Variants in GPR176 observed in about 807,000 individuals in gnomAD.
GPR176 encodes the protein G-protein coupled receptor 176.
A neutral mutation model predicts 35.4 loss-of-function variants in GPR176; 26 were observed. The observed-to-expected ratio is 0.74, with a 90% confidence interval of 0.54 to 1.02. The LOEUF (loss-of-function observed/expected upper bound fraction) is 1.02. GPR176 is among the 50% of genes least tolerant of loss of function. The probability of loss-of-function intolerance (pLI) is 0.00; values close to 1 mark genes in which losing one functional copy is unlikely to be tolerated. For synonymous variants in GPR176, 278 were observed against 271.3 expected (o/e 1.02, Z -0.24); for missense variants, 597 against 665.3 (o/e 0.90, Z 1.13).
chr15:39,886,486 T>C (rs181785129), intron 1 of GPR176, among the ~76,000 whole-genome samples: 3 of 152,124 alleles, frequency 2.0e-5, no homozygotes, highest in Non-Finnish European at 2.9e-5. Flanking sequence ...CAAGTTAAGA[T>C]ATCTGTGTTG....
chr15:39,812,741 C>CT (rs1194061811), intron 1 of GPR176, among the ~76,000 whole-genome samples: 1 of 68,270 alleles, frequency 1.5e-5, no homozygotes, highest in Non-Finnish European at 2.7e-5. Context: ...CTCTTCTAAG[C>CT]TTTATTTTTT....
chr15:39,901,152 G>C (rs1053013971), intron 1 of GPR176, among the ~76,000 whole-genome samples: 5 of 151,926 alleles, frequency 3.3e-5, no homozygotes, highest in African/African-American at 9.7e-5. Flanking sequence ...AGGAGAACTA[G>C]GAAATTCAAT....
chr15:39,858,875 T>C (rs1004106499), intron 1 of GPR176, among the ~76,000 whole-genome samples: 21 of 152,046 alleles, frequency 1.4e-4, no homozygotes, highest in African/African-American at 4.3e-4. Context: ...GACTCCTGAG[T>C]AGCTGGGATT....
chr15:39,876,842 G>A (rs1044034360), intron 1 of GPR176, among the ~76,000 whole-genome samples: 10 of 151,914 alleles, frequency 6.6e-5, no homozygotes, highest in African/African-American at 2.4e-4. Context: ...GAGAGGGAGA[G>A]AGGGAGGGAG....
intron 1 of GPR176, among the ~76,000 whole-genome samples, chr15:39,823,743 C>T (rs367755552): frequency 7.8e-4 from 119 of 152,330 alleles, no homozygotes; most frequent in African/African-American, 2.8e-3. Context: ...CTGCCCACCG[C>T]TAGACTGTGA....
At chr15:39,869,152 T>TAAAAAG (rs2031949400) in intron 1 of GPR176, among the ~76,000 whole-genome samples, 1 of 130,026 alleles carries the variant, frequency 7.7e-6, no homozygotes, top group African/African-American at 2.9e-5. Flanking sequence ...AACTGCTTTT[T>TAAAAAG]AAAAAAAAAA....
chr15:39,883,086 C>T (rs1436740427), intron 1 of GPR176, among the ~76,000 whole-genome samples: 6 of 152,026 alleles, frequency 3.9e-5, no homozygotes, highest in South Asian at 4.1e-4. Context: ...AGACTTCGTA[C>T]GTGATGAAAC....
At chr15:39,912,881 C>G (rs963264395) in intron 1 of GPR176, among the ~76,000 whole-genome samples, 1 of 152,028 alleles carries the variant, frequency 6.6e-6, no homozygotes, top group Non-Finnish European at 1.5e-5. Flanking sequence ...CATTACAGAA[C>G]CAGGGATATT....
chr15:39,834,200 C>T (rs776756780), intron 1 of GPR176, among the ~76,000 whole-genome samples: 20 of 152,104 alleles, frequency 1.3e-4, no homozygotes, highest in Admixed American at 3.3e-4. Context: ...AAATCTCTTA[C>T]GAAGAAAAAG....
chr15:39,841,997 G>A (rs1250727362), intron 1 of GPR176, among the ~76,000 whole-genome samples: 3 of 152,032 alleles, frequency 2.0e-5, no homozygotes, highest in East Asian at 3.9e-4. Flanking sequence ...CACTGAGGGG[G>A]CCCCTTTTGA....
chr15:39,918,757 T>A (rs994760847), intron 1 of GPR176, among the ~76,000 whole-genome samples: 3 of 152,072 alleles, frequency 2.0e-5, no homozygotes, highest in Non-Finnish European at 2.9e-5. Flanking sequence ...AGAAATACTA[T>A]GATAGAGTAA....
In GPR176 at chr15:39,801,379, A is replaced by T. The variant is rs759201893; in HGVS notation, c.1301T>A (p.Val434Glu). The change falls in exon 3 of 3, where the codon GTG (valine) becomes GAG (glutamate). Residue 434 changes from valine to glutamate, a missense_variant. By Grantham distance (121) the Val-to-Glu change is moderately radical (BLOSUM62 -2). This residue lies in a region of GPR176 where 251 missense variants were observed against 255.4 expected (regional missense o/e 0.98). Coordinates refer to ENST00000561100, the MANE Select transcript of GPR176 (RefSeq NM_007223.3). ...PLSTVDSVSQ[V>E]APAAPVEPET... ...AGGTTCCACAGGGGCTGCCGGTGCC[A>T]CCTGGGATACAGAGTCCACTGTGCT... 4 of 1,614,180 alleles carry T rather than the reference A, an allele frequency of 2.5e-6. No individual in the cohort carries two copies. The South Asian group carries it at 4.4e-5, about 18-fold the overall frequency.
In GPR176 at chr15:39,871,593, C is replaced by T. The variant is rs144939546; in HGVS notation, c.172+48262G>A. On this transcript the variant is annotated intron_variant, in intron 1 of 2. Transcript: ENST00000561100. ...AGTGCTCACCACATGCTCAAGTTGCCTTCTTCGATTGTCACCTTGACCTCA... is the reference window on the plus strand; with the variant it reads ...AGTGCTCACCACATGCTCAAGTTGCTTTCTTCGATTGTCACCTTGACCTCA... Among the ~76,000 whole-genome samples the T allele has an allele frequency of 3.3e-3, 499 of 152,294 alleles. 3 individuals carry two copies. The highest frequency in any genetic ancestry group is 0.011 in the African/African-American group (471 of 41,556).
Position 39,801,564 on chromosome 15 carries a change from C to A in GPR176, c.1116G>T (p.Met372Ile), listed in dbSNP as rs149648981. Residue 372 changes from methionine (M) to isoleucine (I), a missense_variant, in exon 3 of 3, where the codon ATG (methionine) becomes ATT (isoleucine). By Grantham distance (10) the Met-to-Ile change is conservative. Around this residue, in one of 3 missense-constraint regions of GPR176, gnomAD observed 251 missense variants for 255.4 expected, o/e 0.98. Transcript: ENST00000561100. ...AGATCTGCTGCTGCCCAATGTGGAA[C>A]ATCTCCAGGAGCTGGCTACCCGAGC... ...SIRSGSQLLE[M>I]FHIGQQQIFK... 6.2e-7 allele frequency: 1 copy of A among 1,614,068 alleles called. No homozygotes were observed. Among genetic ancestry groups the A allele is most frequent in the African/African-American group, 1.3e-5 (1 of 74,932 alleles).
chr15:39,892,331 GTAATTACATTAC>G (rs555330368), intron 1 of GPR176, among the ~76,000 whole-genome samples: 25,845 of 152,022 alleles, frequency 0.17, 3,537 homozygotes, highest in African/African-American at 0.36. Context: ...GAAGCCTACT[GTAATTACATTAC>G]ATTAAGTAAT....
intron 1 of GPR176, among the ~76,000 whole-genome samples, chr15:39,908,508 A>T (rs890961711): frequency 6.6e-6 from 1 of 152,216 alleles, no homozygotes; most frequent in Non-Finnish European, 1.5e-5. Flanking sequence ...TTTGTGTGAC[A>T]GAAACCCAAC....
chr15:39,832,770 G>A (rs960833992), intron 1 of GPR176, among the ~76,000 whole-genome samples: 2 of 152,026 alleles, frequency 1.3e-5, no homozygotes, highest in African/African-American at 4.8e-5. Flanking sequence ...GCAGCTCAGG[G>A]GCCACAGGTT....
At chr15:39,817,629 GT>G (rs1337894980) in intron 1 of GPR176, among the ~76,000 whole-genome samples, 5 of 152,208 alleles carry the variant, frequency 3.3e-5, no homozygotes, top group African/African-American at 1.2e-4. Flanking sequence ...TCAAATTCAT[GT>G]TTTTCTCTGA....
intron 1 of GPR176, among the ~76,000 whole-genome samples, chr15:39,910,864 C>T (rs1183681790): frequency 6.6e-6 from 1 of 151,964 alleles, no homozygotes; most frequent in African/African-American, 2.4e-5. Flanking sequence ...ATGGTGAAAC[C>T]CCATCTCTAC....
Sources: allele counts gnomAD v4.1 joint callset (sites outside exome capture counted in the v4.1 genomes callset), GRCh38; gene constraint gnomAD v4.1.1; regional missense constraint gnomAD v4.1.1; transcripts MANE v1.5; gene names NCBI Gene and HGNC (gene_info 2026-07-23, HGNC 2026-07-21).